The following PARVB variants were observed in gnomAD, a reference collection of about 807,000 sequenced individuals.
PARVB encodes the protein beta-parvin.
A neutral mutation model predicts 47.0 loss-of-function variants in PARVB; 46 were observed. The observed-to-expected ratio is 0.98, with a 90% CI of 0.77 to 1.25. The LOEUF (loss-of-function observed/expected upper bound fraction) is 1.25. PARVB is among the 50% of genes most tolerant of loss of function. The probability of loss-of-function intolerance (pLI) is 0.00; values close to 1 mark genes in which losing one functional copy is unlikely to be tolerated. For synonymous variants in PARVB, 196 were observed against 196.3 expected (o/e 1.00, Z 0.01); for missense variants, 473 against 471.6 (o/e 1.00, Z -0.03).
chr22:44,042,369 C>T (rs978771837), intron 1 of PARVB, among the ~76,000 whole-genome samples: 2 of 152,106 alleles, frequency 1.3e-5, no homozygotes, highest in African/African-American at 2.4e-5. Flanking sequence ...TGCGGTGAGC[C>T]GAGATTGTGC....
At chr22:44,030,548 G>T (rs534782321) in intron 1 of PARVB, among the ~76,000 whole-genome samples, 38 of 152,264 alleles carry the variant, frequency 2.5e-4, no homozygotes, top group African/African-American at 8.4e-4. Flanking sequence ...GCCGATTTCA[G>T]TGGTGCTTTG....
intron 1 of PARVB, among the ~76,000 whole-genome samples, chr22:44,059,061 T>TTTTTTTG (rs2051371757): frequency 1.1e-5 from 1 of 95,082 alleles, no homozygotes. Flanking sequence ...TTTTTTTTTT[T>TTTTTTTG]CTGAGAGGGA....
chr22:44,031,168 A>C (rs1212696993), intron 1 of PARVB, among the ~76,000 whole-genome samples: 4 of 152,152 alleles, frequency 2.6e-5, no homozygotes, highest in Non-Finnish European at 5.9e-5. Flanking sequence ...CCAAGAAGGA[A>C]AGGCACAGTG....
At chr22:44,149,376 C>T (rs1348198672) in intron 9 of PARVB, 1 of 152,246 alleles carries the variant, frequency 6.6e-6, no homozygotes, top group South Asian at 2.1e-4. Context: ...CCCTTCCTCA[C>T]CTCCACATTG....
At chr22:44,053,564 G>A (rs180869214) in intron 1 of PARVB, among the ~76,000 whole-genome samples, 76 of 152,286 alleles carry the variant, frequency 5.0e-4, no homozygotes, top group Non-Finnish European at 7.5e-4. Flanking sequence ...GTGACCAAAT[G>A]TGTGGGTTTT....
In PARVB at chr22:44,042,831, G is replaced by C. The variant is rs188432232; in HGVS notation, c.112+18380G>C. On this transcript the variant is annotated intron_variant, in intron 1 of 12. Coordinates refer to ENST00000338758, the MANE Select transcript of PARVB (RefSeq NM_013327.5). ...TTTCCTAGAGCCCTGCTTTGTTACA[G>C]CTCTTAATTTTCTTGTGTAGAAGAT... 6.0e-3 allele frequency among the ~76,000 whole-genome samples: 916 copies of C among 152,204 alleles called. 2 individuals are homozygous for C. Among genetic ancestry groups the C allele is most frequent in the Non-Finnish European group, 0.01 (703 of 68,016 alleles).
chr22:44,118,564 G>C (rs1255823576), intron 3 of PARVB, among the ~76,000 whole-genome samples: 1 of 152,268 alleles, frequency 6.6e-6, no homozygotes, highest in East Asian at 1.9e-4. Context: ...TATCTTGTGG[G>C]TCACCTTGAC....
At chr22:44,066,816 C>CCTCCTTCTCCTCCTCCTA (rs2051543641) in intron 1 of PARVB, among the ~76,000 whole-genome samples, 1 of 146,224 alleles carries the variant, frequency 6.8e-6, no homozygotes, top group Non-Finnish European at 1.5e-5. Flanking sequence ...TCCTCCTCCT[C>CCTCCTTCTCCTCCTCCTA]CTCCTCTTCC....
intron 2 of PARVB, 38 bp downstream of exon 2, chr22:44,094,055 G>A (rs916125658): frequency 2.3e-6 from 3 of 1,303,114 alleles, no homozygotes; most frequent in Non-Finnish European, 3.3e-6. Context: ...TGAGACAGTT[G>A]AGCTTCCGTG....
intron 11 of PARVB, among the ~76,000 whole-genome samples, chr22:44,158,568 T>C (rs558757965): frequency 1.5e-3 from 232 of 152,376 alleles, no homozygotes; most frequent in African/African-American, 5.1e-3. Flanking sequence ...AGCATCTTTT[T>C]GATACAGATT....
Position 44,125,918 on chromosome 22 carries a change from C to G in PARVB, c.377-5569C>G, listed in dbSNP as rs1466992016. Among the ~76,000 whole-genome samples the G allele has an allele frequency of 6.6e-6, 1 of 152,126 alleles. No individual in the cohort carries two copies. Among genetic ancestry groups the G allele is most frequent in the Non-Finnish European group, 1.5e-5 (1 of 68,022 alleles). ...TCAGCCCCCAGAGTGGAAGGGCAGA[C>G]ATGGGGAGGTACTGTACAGTTAAAC... On this transcript the variant is annotated intron_variant, in intron 4 of 12. Transcript: ENST00000338758. This position sits in a 1 kb window ranked among gnomAD's most constrained non-coding sequence, Gnocchi z 4.1.
At chr22:44,142,377 C>CAAAAAA (rs3053819) in intron 8 of PARVB, 2 of 57,044 alleles carry the variant, frequency 3.5e-5, no homozygotes, top group Non-Finnish European at 6.5e-5. Flanking sequence ...GACTCTGTCT[C>CAAAAAA]AAAAAAAAAA....
At chr22:44,150,358 G>A (rs1318485885) in intron 9 of PARVB, 1 of 151,568 alleles carries the variant, frequency 6.6e-6, no homozygotes, top group Non-Finnish European at 1.5e-5. Context: ...CACCCTGGGT[G>A]GATCTCCCCA....
intron 1 of PARVB, among the ~76,000 whole-genome samples, chr22:44,087,700 A>G (rs1271313629): frequency 6.7e-6 from 1 of 149,388 alleles, no homozygotes; most frequent in Admixed American, 6.6e-5. Flanking sequence ...CCATACAAAG[A>G]AGAAGATTAA....
chr22:44,142,093 G>C (rs1048072941), intron 8 of PARVB: 6 of 152,158 alleles, frequency 3.9e-5, no homozygotes, highest in African/African-American at 7.2e-5. Flanking sequence ...AAGATGAGGA[G>C]AGGGCCGGGC....
At position 44,172,042 on chromosome 22, in the gene PARVB, A is replaced by C. The variant is rs928117250; in HGVS notation, c.*3364A>C. 4.0e-5 allele frequency: 6 copies of C among 151,796 alleles called. No individual in the cohort carries two copies. The highest frequency in any genetic ancestry group is 1.4e-4 in the African/African-American group (6 of 41,382). 9.4% of individuals were successfully genotyped at this position (151,796 alleles called of 1,614,324 possible). ...TCCACATTCTTTTCCAATTGGTTCA[A>C]AGGTGTAGGTGTGCCTTTTGCATAC... On this transcript the variant is annotated 3_prime_UTR_variant, in exon 13 of 13. Transcript: ENST00000338758.
intron 1 of PARVB, among the ~76,000 whole-genome samples, chr22:44,073,601 C>A (rs2051702246): frequency 6.6e-6 from 1 of 152,226 alleles, no homozygotes; most frequent in African/African-American, 2.4e-5. Context: ...TGAAAGGTGT[C>A]ACTGTCCTGA....
intron 1 of PARVB, chr22:44,026,171 A>C: frequency 4.1e-6 from 1 of 242,334 alleles, no homozygotes; most frequent in Non-Finnish European, 6.6e-6. Flanking sequence ...AAAGTAATGG[A>C]CTGGGCCCAA....
intron 1 of PARVB, among the ~76,000 whole-genome samples, chr22:44,024,663 G>A (rs2050699037): frequency 6.6e-6 from 1 of 152,074 alleles, no homozygotes; most frequent in African/African-American, 2.4e-5. Flanking sequence ...GGCCTCCGGA[G>A]TCTGCCAAAC....
Sources: gnomAD v4.1 joint callset for allele counts (sites outside exome capture counted in the v4.1 genomes callset) on GRCh38, gnomAD v4.1.1 for gene constraint, Gnocchi (gnomAD v3.1) non-coding constraint, MANE v1.5 for transcripts, NCBI Gene and HGNC (gene_info 2026-07-23, HGNC 2026-07-21) for gene names.